The following ARHGEF10 variants were observed in gnomAD, a reference collection of about 807,000 sequenced individuals.
The protein encoded by ARHGEF10 is Rho guanine nucleotide exchange factor (GEF) 10.
ARHGEF10 carries 140 observed loss-of-function variants against 147.4 expected under a neutral mutation model. The observed-to-expected ratio is 0.95, with a 90% CI of 0.83 to 1.09. ARHGEF10 has a LOEUF of 1.09. Ranked by LOEUF, ARHGEF10 falls within the 50% of genes least tolerant of loss-of-function variation. ARHGEF10 has a pLI of 0.00. For missense variants in ARHGEF10, 2,222 were observed against 1,752.7 expected (o/e 1.27, Z -4.78); for synonymous variants, 902 against 695.8 (o/e 1.30, Z -4.67).
chr8:1,892,730 T>C (rs922423590), intron 11 of ARHGEF10, among the ~76,000 whole-genome samples: 4 of 152,010 alleles, frequency 2.6e-5, no homozygotes, highest in African/African-American at 9.7e-5. Flanking sequence ...TGTGGTGTGG[T>C]GTGCCCGGGC....
chr8:1,865,503 C>G (rs951602625), intron 5 of ARHGEF10, among the ~76,000 whole-genome samples: 1 of 151,168 alleles, frequency 6.6e-6, no homozygotes, highest in African/African-American at 2.4e-5. Context: ...ACGGGGCATC[C>G]CCCAGCACCC....
chr8:1,884,323 G>C (rs1400714837), intron 10 of ARHGEF10, among the ~76,000 whole-genome samples: 1 of 151,824 alleles, frequency 6.6e-6, no homozygotes, highest in East Asian at 1.9e-4. Context: ...GTGAACCCGG[G>C]AGGCGGAGCT....
intron 6 of ARHGEF10, among the ~76,000 whole-genome samples, chr8:1,867,470 C>T (rs974416525): frequency 6.6e-6 from 1 of 152,186 alleles, no homozygotes; most frequent in African/African-American, 2.4e-5. Flanking sequence ...GCAAAGAATT[C>T]CAAACTCTAT....
At chr8:1,931,378 T>G (rs1813130587) in intron 25 of ARHGEF10, among the ~76,000 whole-genome samples, 1 of 152,250 alleles carries the variant, frequency 6.6e-6, no homozygotes, top group African/African-American at 2.4e-5. Context: ...TCCCCTGGGT[T>G]TACTAGCGAG....
chr8:1,866,377 G>GA lies in ARHGEF10; in HGVS notation c.546-145dup, dbSNP rs1806612237. 4 of 747,200 alleles carry GA rather than the reference G, an allele frequency of 5.4e-6. No individual in the cohort carries two copies. In the East Asian group the frequency reaches 1.1e-4, roughly 20 times the overall value. The allele number at this position is 747,200 out of a possible 1,614,324, so 46.3% of individuals were successfully genotyped here. Reference sequence around the variant, plus strand: ...TGGGATGTCCTATAATAATAGCTGGGAAAATATGTGATTTCCTGTATAGTA... The same window carrying GA: ...TGGGATGTCCTATAATAATAGCTGGGAAAAATATGTGATTTCCTGTATAGTA... On this transcript the variant is annotated intron_variant, in intron 5 of 28. Coordinates refer to ENST00000349830, the MANE Select transcript of ARHGEF10 (RefSeq NM_014629.4).
At chr8:1,947,906 C>T (rs1344579430) in intron 27 of ARHGEF10, among the ~76,000 whole-genome samples, 3 of 151,914 alleles carry the variant, frequency 2.0e-5, no homozygotes, top group Non-Finnish European at 4.4e-5. Flanking sequence ...AATTATCCTG[C>T]TTCCCTCCAA....
At chr8:1,832,503 C>CAGGCAGAGACAGAGACAG (rs1563147733) in intron 1 of ARHGEF10, among the ~76,000 whole-genome samples, 26 of 82,828 alleles carry the variant, frequency 3.1e-4, no homozygotes, top group Admixed American at 1.4e-3. Flanking sequence ...GGCAGAGACA[C>CAGGCAGAGACAGAGACAG]AGGCAGAGAC....
At position 1,937,023 on chromosome 8, in the gene ARHGEF10, C is replaced by T. The variant is rs965518556; in HGVS notation, c.3222+3081C>T. 6.6e-5 allele frequency among the ~76,000 whole-genome samples: 10 copies of T among 152,290 alleles called. No homozygotes were observed. Among genetic ancestry groups the T allele is most frequent in the South Asian group, 2.1e-4 (1 of 4,826 alleles). On this transcript the variant is annotated intron_variant, in intron 26 of 28. Coordinates refer to ENST00000349830, the MANE Select transcript of ARHGEF10 (RefSeq NM_014629.4). This position sits in a 1 kb window ranked among gnomAD's most constrained non-coding sequence, Gnocchi z 4.9. ...AGCCTCCTGGAGGCCGACGCTCTGC[C>T]GTGGATCATGAATAGCATTCCCGCG...
intron 3 of ARHGEF10, chr8:1,858,727 C>T (rs796643761): frequency 9.6e-4 from 152 of 158,030 alleles, no homozygotes; most frequent in African/African-American, 3.3e-3. Context: ...GTGTAGCACC[C>T]GCCTCTCAGC....
At chr8:1,844,152 G>A (rs531566896) in intron 2 of ARHGEF10, among the ~76,000 whole-genome samples, 2 of 152,168 alleles carry the variant, frequency 1.3e-5, no homozygotes, top group Non-Finnish European at 2.9e-5. Flanking sequence ...TGATGGAGCT[G>A]TGGAGGTCAC....
chr8:1,870,410 A>G (rs751019003), intron 7 of ARHGEF10: 1 of 152,192 alleles, frequency 6.6e-6, no homozygotes, highest in Non-Finnish European at 1.5e-5. Context: ...ATGAGAAAAG[A>G]CTGCAAAATA....
At chr8:1,925,487 G>T in intron 22 of ARHGEF10, 83 bp downstream of exon 22, 1 of 1,576,728 alleles carries the variant, frequency 6.3e-7, no homozygotes, top group South Asian at 1.1e-5. Flanking sequence ...ATTCTTAAGG[G>T]GCGTGGTCAG....
chr8:1,921,206 A>T (rs1377520956), intron 18 of ARHGEF10, among the ~76,000 whole-genome samples: 1 of 152,256 alleles, frequency 6.6e-6, no homozygotes, highest in East Asian at 1.9e-4. Flanking sequence ...TGTCTTCAAC[A>T]TAAAGTGCCT....
At chr8:1,895,511 C>T (rs1809897977) in intron 13 of ARHGEF10, among the ~76,000 whole-genome samples, 1 of 151,732 alleles carries the variant, frequency 6.6e-6, no homozygotes, top group Non-Finnish European at 1.5e-5. Flanking sequence ...TTGCATAATA[C>T]CGTTTATGGA....
At chr8:1,900,307 C>A (rs1379943080) in intron 15 of ARHGEF10, among the ~76,000 whole-genome samples, 1 of 152,156 alleles carries the variant, frequency 6.6e-6, no homozygotes, top group Non-Finnish European at 1.5e-5. Context: ...TTTTGAGGAG[C>A]CCGAGCAGCT....
At chr8:1,924,641 G>C (rs1419398997) in intron 21 of ARHGEF10, among the ~76,000 whole-genome samples, 1 of 152,250 alleles carries the variant, frequency 6.6e-6, no homozygotes, top group Non-Finnish European at 1.5e-5. Flanking sequence ...GTGCTCACTT[G>C]ATGAGGAAGC....
At chr8:1,866,711 A>G (rs1270721047) in intron 6 of ARHGEF10, 109 bp downstream of exon 6, 4 of 1,054,632 alleles carry the variant, frequency 3.8e-6, no homozygotes, top group Admixed American at 3.5e-5. Flanking sequence ...AAAACTCTAA[A>G]AAGATGTTTA....
chr8:1,943,180 C>G (rs1814249312), intron 26 of ARHGEF10, among the ~76,000 whole-genome samples: 1 of 152,188 alleles, frequency 6.6e-6, no homozygotes, highest in African/African-American at 2.4e-5. Flanking sequence ...GAGGGGAACC[C>G]TACAGCCCAG....
intron 18 of ARHGEF10, among the ~76,000 whole-genome samples, chr8:1,920,317 TTTA>T (rs1298787332): frequency 6.6e-6 from 1 of 152,226 alleles, no homozygotes; most frequent in Non-Finnish European, 1.5e-5. Flanking sequence ...TATAATTTTA[TTTA>T]CTCATTTATT....
Sources: gnomAD v4.1 joint callset for allele counts (sites outside exome capture counted in the v4.1 genomes callset) on GRCh38, gnomAD v4.1.1 for gene constraint, Gnocchi (gnomAD v3.1) non-coding constraint, MANE v1.5 for transcripts, NCBI Gene and HGNC (gene_info 2026-07-23, HGNC 2026-07-21) for gene names.